MMADHC: variants seen among roughly 807,000 people sequenced by gnomAD.
MMADHC encodes the protein cobalamin trafficking protein CblD.
A neutral mutation model predicts 36.3 loss-of-function variants in MMADHC; 23 were observed. That is an observed-to-expected ratio of 0.63 (90% confidence interval 0.46 to 0.90). The LOEUF (loss-of-function observed/expected upper bound fraction) is 0.90, where lower values mean the gene tolerates loss of function less well. Ranked by LOEUF, MMADHC falls within the 40% of genes least tolerant of loss-of-function variation. MMADHC has a pLI of 0.00. For synonymous variants in MMADHC, 97 were observed against 116.1 expected, an observed-to-expected ratio of 0.84 and a Z score of 1.06; for missense variants, 330 against 348.0, an observed-to-expected ratio of 0.95 and a Z score of 0.41.
intron 3 of MMADHC, 56 bp from the exon 4 acceptor site, chr2:149,579,704 G>A: frequency 1.5e-6 from 2 of 1,372,416 alleles, no homozygotes; most frequent in South Asian, 1.3e-5. Flanking sequence ...TATATTGGTA[G>A]ACTGAAAGAA....
intron 1 of MMADHC, 174 bp downstream of exon 1, chr2:149,587,490 G>A: frequency 3.2e-6 from 1 of 315,086 alleles, no homozygotes. Flanking sequence ...ACAGCTCCAA[G>A]CAAAGCTTCA....
chr2:149,578,648 G>A (rs1186372851), intron 4 of MMADHC, among the ~76,000 whole-genome samples: 1 of 152,056 alleles, frequency 6.6e-6, no homozygotes, highest in Non-Finnish European at 1.5e-5. Context: ...TAGACAGGAA[G>A]AACAAGGAGC....
At position 149,569,780 on chromosome 2, in the gene MMADHC, C is replaced by A; in HGVS notation, c.*194G>T. ...TCCTATACAATGTGGATGTGTTCAA[C>A]GTGTATTCAATGATATGAATAAATG... On this transcript the variant is annotated 3_prime_UTR_variant, in exon 8 of 8. Transcript: ENST00000303319. 1 of 572,738 alleles carries A rather than the reference C, an allele frequency of 1.7e-6. No homozygotes were observed. The highest frequency in any genetic ancestry group is 3.1e-6 in the Non-Finnish European group (1 of 321,902). 35.5% of individuals were successfully genotyped at this position (572,738 alleles called of 1,614,324 possible).
At chr2:149,576,890 C>A (rs1682726294) in intron 4 of MMADHC, among the ~76,000 whole-genome samples, 1 of 152,020 alleles carries the variant, frequency 6.6e-6, no homozygotes, top group South Asian at 2.1e-4. Context: ...ATTATCTTTT[C>A]TTCTATAATC....
rs191329129 is a variant in MMADHC, at chr2:149,584,609, A to C, written c.10-2338T>G. Among the ~76,000 whole-genome samples the C allele has an allele frequency of 3.1e-3, 476 of 152,362 alleles. 4 individuals are homozygous for C. Among genetic ancestry groups the C allele is most frequent in the Non-Finnish European group, 5.7e-3 (390 of 68,034 alleles). ...CTTTTAACAAAAGTTATATAATAAAATATGAGTTTTGTTCCTAGCCTAAGA... is the reference window on the plus strand; with the variant it reads ...CTTTTAACAAAAGTTATATAATAAACTATGAGTTTTGTTCCTAGCCTAAGA... On this transcript the variant is annotated intron_variant, in intron 2 of 7. Transcript: ENST00000303319.
At chr2:149,574,260 T>G (rs956692512) in intron 6 of MMADHC, among the ~76,000 whole-genome samples, 1 of 152,180 alleles carries the variant, frequency 6.6e-6, no homozygotes, top group African/African-American at 2.4e-5. Context: ...ATATATTTAC[T>G]AAGCATTATT....
At chr2:149,586,165 A>G (rs1205436396) in intron 2 of MMADHC, among the ~76,000 whole-genome samples, 1 of 152,226 alleles carries the variant, frequency 6.6e-6, no homozygotes, top group African/African-American at 2.4e-5. Context: ...ATGCTGCCAT[A>G]TAAATCTTCC....
chr2:149,575,689 T>C (rs1253537811), intron 6 of MMADHC, 22 bp downstream of exon 6: 2 of 1,563,776 alleles, frequency 1.3e-6, no homozygotes, highest in East Asian at 2.3e-5. Flanking sequence ...AAAATTAAAT[T>C]ATTAGCAATT....
chr2:149,578,986 CT>C (rs1210920381), intron 4 of MMADHC, among the ~76,000 whole-genome samples: 353 of 138,388 alleles, frequency 2.6e-3, no homozygotes, highest in Non-Finnish European at 3.7e-3. Context: ...AAACTGGTTC[CT>C]TTTTTTTTTT....
intron 2 of MMADHC, among the ~76,000 whole-genome samples, chr2:149,582,676 C>T (rs886843982): frequency 6.6e-6 from 1 of 152,150 alleles, no homozygotes; most frequent in Admixed American, 6.5e-5. Flanking sequence ...GAACTTTTCT[C>T]TCTTCTTTTA....
chr2:149,570,161 C>G lies in MMADHC; in HGVS notation c.704G>C (p.Gly235Ala), dbSNP rs1324018775. Residue 235 changes from glycine (G) to alanine (A), a missense_variant, in exon 8 of 8, where the codon GGA becomes GCA. Gly to Ala is a moderately conservative substitution (Grantham distance 60). Coordinates refer to ENST00000303319, the MANE Select transcript of MMADHC (RefSeq NM_015702.3). ...IDPSSGLAFF[G>A]PYTNNTLFET... ...AAAAAGAGTGTTGTTTGTATATGGT[C>G]CAAAAAACTGAGGAAATAAAAACGA... 1.9e-6 allele frequency: 3 copies of G among 1,612,586 alleles called. No homozygotes were observed. The highest frequency in any genetic ancestry group is 2.2e-5 in the South Asian group (2 of 90,942).
intron 7 of MMADHC, 76 bp from the exon 8 acceptor site, chr2:149,570,244 C>T (rs1307913213): frequency 5.8e-6 from 7 of 1,203,602 alleles, no homozygotes; most frequent in African/African-American, 4.5e-5. Context: ...AACATGAACA[C>T]CTATCTACTT....
rs114067786 is a variant in MMADHC, at chr2:149,574,885, C to T, written c.609+826G>A. On this transcript the variant is annotated intron_variant, in intron 6 of 7. Coordinates refer to ENST00000303319, the MANE Select transcript of MMADHC (RefSeq NM_015702.3). ...GCACCATCAAGGCTCACTACAGCCT[C>T]GACCTCTCAGGCTCCAGTGATCCGC... 7.0e-3 allele frequency among the ~76,000 whole-genome samples: 1,069 copies of T among 152,244 alleles called. 15 individuals carry two copies. Among genetic ancestry groups the T allele is most frequent in the African/African-American group, 0.025 (1,029 of 41,550 alleles).
chr2:149,587,437 G>T (rs142230980), intron 1 of MMADHC: 35 of 409,118 alleles, frequency 8.6e-5, no homozygotes, highest in African/African-American at 7.0e-4. Flanking sequence ...TCAGTCCAGA[G>T]GATCGAAGCG....
intron 1 of MMADHC, 181 bp downstream of exon 1, chr2:149,587,483 G>C (rs186610815): frequency 2.4e-4 from 80 of 326,572 alleles, no homozygotes; most frequent in African/African-American, 1.6e-3. Context: ...CGTAACAACA[G>C]CTCCAAGCAA....
At chr2:149,587,514 G>A (rs1682891743) in intron 1 of MMADHC, 150 bp downstream of exon 1, 5 of 245,318 alleles carry the variant, frequency 2.0e-5, no homozygotes, top group Non-Finnish European at 2.4e-5. Context: ...TGATCGGAAA[G>A]ATGAGGAAGC....
At chr2:149,586,977 C>G in intron 2 of MMADHC, 112 bp downstream of exon 2, 2 of 1,103,682 alleles carry the variant, frequency 1.8e-6, no homozygotes. Flanking sequence ...ATTTTTGATA[C>G]ATTATATCTA....
chr2:149,582,320 T>C, intron 2 of MMADHC, 49 bp from the exon 3 acceptor site: 5 of 1,587,332 alleles, frequency 3.1e-6, no homozygotes, highest in Middle Eastern at 3.4e-4. Context: ...ATAAATGTTA[T>C]ACTTACATAG....
chr2:149,585,038 G>A (rs1225279896), intron 2 of MMADHC, among the ~76,000 whole-genome samples: 4 of 137,026 alleles, frequency 2.9e-5, no homozygotes, highest in Admixed American at 7.8e-5. Flanking sequence ...GTGAAACTCC[G>A]TCTCAAAAAA....
Sources: gnomAD v4.1 joint callset for allele counts (sites outside exome capture counted in the v4.1 genomes callset) on GRCh38, gnomAD v4.1.1 for gene constraint, MANE v1.5 for transcripts, NCBI Gene and HGNC (gene_info 2026-07-23, HGNC 2026-07-21) for gene names.